Variants in RALGDS observed in about 807,000 individuals in gnomAD.
RALGDS encodes the protein ral guanine nucleotide dissociation stimulator.
In RALGDS, 44 loss-of-function variants were observed where a neutral mutation model predicts 99.8. The observed-to-expected ratio is 0.44, with a 90% confidence interval of 0.35 to 0.57. The LOEUF (loss-of-function observed/expected upper bound fraction) is 0.57, where lower values mean the gene tolerates loss of function less well. Among genes scored for constraint, RALGDS ranks in the 20% least tolerant of loss-of-function variants. The pLI, the probability that RALGDS is intolerant of heterozygous loss-of-function variation, is 0.01. For missense variants in RALGDS, 1,022 were observed against 1,203.1 expected (o/e 0.85, Z 2.23); for synonymous variants, 529 against 505.0 (o/e 1.05, Z -0.64).
chr9:133,109,775 A>G, intron 3 of RALGDS, 54 bp from the exon 4 acceptor site: 1 of 1,488,054 alleles, frequency 6.7e-7, no homozygotes, highest in Non-Finnish European at 9.4e-7. Flanking sequence ...ACGGAGGCCC[A>G]GGAGGGCAGG....
chr9:133,108,745 C>T lies in RALGDS; in HGVS notation c.706G>A (p.Asp236Asn), dbSNP rs374152758. The change falls in exon 5 of 18, where the codon GAC becomes AAC. Residue 236 changes from aspartate to asparagine, a missense_variant. By Grantham distance (23) the Asp-to-Asn change is conservative. Around this residue, in one of 3 missense-constraint regions of RALGDS, gnomAD observed 825 missense variants for 994.5 expected, o/e 0.83. Transcript: ENST00000372050. ...AGAAGGTGGGCACGGCGCTCCAGGT[C>T]TGAGCCTGGCATGTTGAGCTGCACG... Reference protein sequence around the residue: ...AYVQLNMPGSDLERRAHLLLA... With the variant: ...AYVQLNMPGSNLERRAHLLLA... The T allele has an allele frequency of 5.6e-6, 9 of 1,613,718 alleles. No homozygotes were observed. In the African/African-American group the frequency reaches 9.3e-5, roughly 17 times the overall value.
chr9:133,105,011 G>A (rs760052710), intron 9 of RALGDS, among the ~76,000 whole-genome samples: 1 of 152,164 alleles, frequency 6.6e-6, no homozygotes, highest in East Asian at 1.9e-4. Context: ...CAGGGACTCA[G>A]AACAGGCTCT....
intron 1 of RALGDS, among the ~76,000 whole-genome samples, chr9:133,136,877 C>T (rs146967330): frequency 0.024 from 3,612 of 152,206 alleles, 143 homozygotes; most frequent in African/African-American, 0.083. Context: ...GTGGAGGTTG[C>T]AGTGAGCTGA....
At chr9:133,108,501 C>A in intron 5 of RALGDS, 95 bp from the exon 6 acceptor site, 1 of 1,442,286 alleles carries the variant, frequency 6.9e-7, no homozygotes, top group Non-Finnish European at 9.4e-7. Context: ...CCTCTCTCCC[C>A]GAACCCACAA....
upstream of RALGDS, among the ~76,000 whole-genome samples, chr9:133,133,049 C>T (rs1329405848): frequency 1.3e-5 from 2 of 152,186 alleles, no homozygotes; most frequent in Admixed American, 6.5e-5. Flanking sequence ...ACAAGCAGCT[C>T]CCGGGTACCA....
intron 3 of RALGDS, 121 bp downstream of exon 3, chr9:133,110,175 C>T (rs1489514587): frequency 5.6e-6 from 6 of 1,075,940 alleles, no homozygotes; most frequent in African/African-American, 1.6e-5. Flanking sequence ...ACTCCAGTTT[C>T]TCTTTCATAT....
At chr9:133,101,904 G>A in intron 15 of RALGDS, 34 bp downstream of exon 15, 2 of 1,550,958 alleles carry the variant, frequency 1.3e-6, no homozygotes, top group Non-Finnish European at 1.7e-6. Context: ...TGGGGAGATG[G>A]GAAAGGATAT....
intron 13 of RALGDS, 35 bp downstream of exon 13, chr9:133,102,744 G>T (rs776588024): frequency 1.1e-5 from 18 of 1,605,906 alleles, no homozygotes; most frequent in Non-Finnish European, 1.4e-5. Context: ...AGGACAGCCT[G>T]CCCCCACTGT....
intron 1 of RALGDS, among the ~76,000 whole-genome samples, chr9:133,138,154 G>A (rs1223172532): frequency 1.3e-5 from 2 of 152,220 alleles, no homozygotes; most frequent in East Asian, 3.9e-4. Context: ...AGGGCACAGG[G>A]CCTTGGCTGG....
chr9:133,122,532 G>A (rs1418410156), upstream of RALGDS, among the ~76,000 whole-genome samples: 1 of 152,214 alleles, frequency 6.6e-6, no homozygotes, highest in Non-Finnish European at 1.5e-5. Context: ...CACTGTGACT[G>A]GAGTGAGGCG....
chr9:133,123,203 C>T (rs1282289687), upstream of RALGDS, among the ~76,000 whole-genome samples: 1 of 152,126 alleles, frequency 6.6e-6, no homozygotes, highest in African/African-American at 2.4e-5. Flanking sequence ...TCCTCCCATC[C>T]CTTTCTTCTG....
At chr9:133,134,503 G>A (rs1047782522), upstream of RALGDS, among the ~76,000 whole-genome samples, 5 of 152,226 alleles carry the variant, frequency 3.3e-5, no homozygotes, top group East Asian at 1.9e-4. Context: ...CAGAGAGGGC[G>A]AACAACTTGC....
At chr9:133,100,407 A>C in intron 16 of RALGDS, 25 bp from the exon 17 acceptor site, 1 of 1,613,260 alleles carries the variant, frequency 6.2e-7, no homozygotes, top group Non-Finnish European at 8.5e-7. Flanking sequence ...GGGATGGACC[A>C]TCAGGGAAAA....
In RALGDS at chr9:133,121,079, T is replaced by C. The variant is rs2119215535; in HGVS notation, c.76A>G (p.Ser26Gly). The C allele has an allele frequency of 2.0e-6, 3 of 1,481,692 alleles. No individual in the cohort carries two copies. The highest frequency in any genetic ancestry group is 1.8e-6 in the Non-Finnish European group (2 of 1,122,296). 91.8% of individuals were successfully genotyped at this position (1,481,692 alleles called of 1,614,324 possible). A position where few individuals can be genotyped will look rare whatever the true frequency, so the allele number is the denominator to read the frequency against. Reference protein sequence around the residue: ...AEPLFPGSRRSRSVWDAVRLE... With the variant: ...AEPLFPGSRRGRSVWDAVRLE... ...CGCACGGCGTCCCACACGCTGCGGC[T>C]CCGCCGGGAGCCCGGAAACAGCGGC... Residue 26 changes from serine to glycine, a missense_variant, in exon 1 of 18, where the codon AGC becomes GGC. Ser to Gly is a moderately conservative substitution (Grantham distance 56). Around this residue, in one of 3 missense-constraint regions of RALGDS, gnomAD observed 180 missense variants for 169.3 expected, o/e 1.06. Transcript: ENST00000372050.
upstream of RALGDS, among the ~76,000 whole-genome samples, chr9:133,125,844 C>T (rs1232125867): frequency 3.9e-5 from 6 of 152,196 alleles, no homozygotes; most frequent in Admixed American, 3.9e-4. Context: ...GCAGTGACTC[C>T]TGCCAGGCTC....
chr9:133,142,947 C>T (rs1481248592), intron 1 of RALGDS, among the ~76,000 whole-genome samples: 1 of 152,254 alleles, frequency 6.6e-6, no homozygotes, highest in Non-Finnish European at 1.5e-5. Context: ...GCCAAGCTGC[C>T]ACTACCTAGC....
chr9:133,108,981 T>G, intron 4 of RALGDS, 115 bp from the exon 5 acceptor site: 1 of 1,061,268 alleles, frequency 9.4e-7, no homozygotes, highest in Non-Finnish European at 1.4e-6. Flanking sequence ...CAAGCCCCCT[T>G]GGCTGTCCAG....
intron 1 of RALGDS, among the ~76,000 whole-genome samples, chr9:133,119,273 C>T (rs1027360105): frequency 3.9e-5 from 6 of 152,130 alleles, no homozygotes; most frequent in Admixed American, 6.5e-5. Flanking sequence ...AGCCCCAGGA[C>T]GGGGGGTGTT....
At chr9:133,120,697 G>A (rs1390910998) in intron 1 of RALGDS, among the ~76,000 whole-genome samples, 2 of 152,214 alleles carry the variant, frequency 1.3e-5, no homozygotes, top group Non-Finnish European at 2.9e-5. Flanking sequence ...GGGCTGCAGC[G>A]GCCTTGGTGA....
Sources: gnomAD v4.1 joint callset for allele counts (sites outside exome capture counted in the v4.1 genomes callset) on GRCh38, gnomAD v4.1.1 for gene constraint, gnomAD v4.1.1 regional missense constraint, MANE v1.5 for transcripts, NCBI Gene and HGNC (gene_info 2026-07-23, HGNC 2026-07-21) for gene names.